LGMN: variants seen among roughly 807,000 people sequenced by gnomAD.
LGMN encodes legumain.
LGMN carries 36 observed loss-of-function variants against 56.8 expected under a neutral mutation model. The observed-to-expected ratio is 0.63, with a 90% confidence interval of 0.49 to 0.84. The LOEUF is 0.84. LGMN is among the 40% of genes least tolerant of loss of function. LGMN has a pLI of 0.00. For synonymous variants in LGMN, 199 were observed against 210.1 expected (o/e 0.95, Z 0.46); for missense variants, 446 against 556.1 (o/e 0.80, Z 1.99).
intron 4 of LGMN, 76 bp from the exon 5 acceptor site, chr14:92,716,297 C>G: frequency 9.9e-7 from 1 of 1,013,508 alleles, no homozygotes; most frequent in Non-Finnish European, 1.6e-6. Context: ...TGCAACCGAC[C>G]CATGCCACCA....
chr14:92,735,754 C>T (rs989833167), intron 1 of LGMN, among the ~76,000 whole-genome samples: 11 of 152,010 alleles, frequency 7.2e-5, no homozygotes, highest in South Asian at 2.1e-4. Flanking sequence ...GGTCAATGGA[C>T]GGGCAACTGG....
chr14:92,708,715 G>C (rs577982710), intron 11 of LGMN, among the ~76,000 whole-genome samples: 90 of 151,930 alleles, frequency 5.9e-4, no homozygotes, highest in Admixed American at 9.2e-4. Context: ...AATTAACTGG[G>C]GCATGGTGGC....
At chr14:92,737,187 T>C (rs1891346827) in intron 1 of LGMN, among the ~76,000 whole-genome samples, 1 of 152,200 alleles carries the variant, frequency 6.6e-6, no homozygotes, top group South Asian at 2.1e-4. Context: ...AGTCACCAAG[T>C]ACTTGCATTT....
At chr14:92,740,490 A>C (rs893405947) in intron 1 of LGMN, among the ~76,000 whole-genome samples, 1 of 152,198 alleles carries the variant, frequency 6.6e-6, no homozygotes, top group African/African-American at 2.4e-5. Context: ...GACCACGCAG[A>C]TCTGACGGCA....
At chr14:92,734,070 A>G (rs952341570) in intron 1 of LGMN, among the ~76,000 whole-genome samples, 3 of 152,254 alleles carry the variant, frequency 2.0e-5, no homozygotes, top group African/African-American at 7.2e-5. Context: ...TATAAGGTGA[A>G]CTATCTGGAT....
At chr14:92,711,357 G>A (rs557967622) in intron 10 of LGMN, among the ~76,000 whole-genome samples, 1 of 152,164 alleles carries the variant, frequency 6.6e-6, no homozygotes, top group Non-Finnish European at 1.5e-5. Flanking sequence ...CATAAGTAAC[G>A]CATAGCCCTC....
intron 2 of LGMN, 128 bp downstream of exon 2, chr14:92,732,521 A>G (rs1434119836): frequency 3.0e-6 from 3 of 1,007,164 alleles, no homozygotes; most frequent in Non-Finnish European, 4.4e-6. Context: ...TAACACACCT[A>G]TGTTACAGCC....
intron 2 of LGMN, among the ~76,000 whole-genome samples, chr14:92,724,082 T>A (rs1166748667): frequency 3.3e-5 from 5 of 152,260 alleles, no homozygotes; most frequent in African/African-American, 1.2e-4. Context: ...TTTATAGTGA[T>A]GTTTGCACAA....
At chr14:92,746,469 T>A (rs922128054) in intron 1 of LGMN, among the ~76,000 whole-genome samples, 13 of 152,196 alleles carry the variant, frequency 8.5e-5, no homozygotes, top group Non-Finnish European at 1.8e-4. Context: ...AATGCTGTGG[T>A]ATGGTGTATT....
At chr14:92,719,293 G>T (rs868370571) in intron 2 of LGMN, among the ~76,000 whole-genome samples, 1 of 40,054 alleles carries the variant, frequency 2.5e-5, no homozygotes, top group Non-Finnish European at 5.8e-5. Context: ...CGCCGCCGCC[G>T]CCGCCGCCAC....
At chr14:92,725,492 T>C (rs552785939) in intron 2 of LGMN, among the ~76,000 whole-genome samples, 1 of 152,188 alleles carries the variant, frequency 6.6e-6, no homozygotes, top group South Asian at 2.1e-4. Flanking sequence ...TGCAGTGAGC[T>C]ATGATCACAC....
At chr14:92,738,282 CTT>C (rs1199624185) in intron 1 of LGMN, among the ~76,000 whole-genome samples, 19 of 141,970 alleles carry the variant, frequency 1.3e-4, no homozygotes, top group Non-Finnish European at 7.8e-5. Flanking sequence ...TTTTCTTTTT[CTT>C]TTTTTTTTTT....
intron 2 of LGMN, among the ~76,000 whole-genome samples, chr14:92,722,172 T>C (rs958475622): frequency 2.0e-5 from 3 of 151,654 alleles, no homozygotes; most frequent in Non-Finnish European, 1.5e-5. Flanking sequence ...GGTACTAGTA[T>C]AATTTTTTTT....
intron 2 of LGMN, among the ~76,000 whole-genome samples, chr14:92,728,211 G>A (rs187111468): frequency 2.6e-5 from 4 of 152,328 alleles, no homozygotes; most frequent in African/African-American, 9.6e-5. Context: ...GAGGGGCAAT[G>A]GTTTCGGGAT....
intron 3 of LGMN, among the ~76,000 whole-genome samples, chr14:92,718,172 G>A (rs1292182505): frequency 1.3e-5 from 2 of 152,186 alleles, no homozygotes; most frequent in Non-Finnish European, 2.9e-5. Context: ...AATCCAACAA[G>A]TCCTCGAAGG....
At chr14:92,717,269 G>A (rs1026212630) in intron 4 of LGMN, 111 bp downstream of exon 4, 14 of 641,354 alleles carry the variant, frequency 2.2e-5, no homozygotes, top group South Asian at 2.8e-5. Flanking sequence ...GTGAAACACC[G>A]ACCAGAAGCC....
rs141991662 is a variant in LGMN, at chr14:92,728,342, T to C, written c.138+4307A>G. ...ACGCTCCTATTAGAATTGGCATCGG[T>C]GACCTGACAGGAGGTGGAGCTAAGG... On this transcript the variant is annotated intron_variant, in intron 2 of 13. Transcript: ENST00000334869. 8.0e-3 allele frequency among the ~76,000 whole-genome samples: 1,214 copies of C among 152,326 alleles called. 13 individuals are homozygous for C. Among genetic ancestry groups the C allele is most frequent in the African/African-American group, 0.028 (1,176 of 41,560 alleles).
In LGMN at chr14:92,706,597, G is replaced by A. The variant is rs768536579; in HGVS notation, c.1077C>T (p.Ser359=). 54 of 1,602,410 alleles carry A rather than the reference G, an allele frequency of 3.4e-5. No individual in the cohort carries two copies. The highest frequency in any genetic ancestry group is 3.4e-4 in the East Asian group (15 of 44,704). ...VRKIVSLLAA[S]EAEVEQLLSE... is the part of the protein sequence containing the mutation. ...ACAGGAGCTGCTCCACCTCAGCCTC[G>A]GACGCTGCCAGCAAGGAGACGATCT... The change falls in exon 12 of 14, where the codon TCC becomes TCT. Residue 359 remains serine (S), a synonymous_variant. Coordinates refer to ENST00000334869, the MANE Select transcript of LGMN (RefSeq NM_005606.7).
chr14:92,728,283 G>T (rs1324919180), intron 2 of LGMN, among the ~76,000 whole-genome samples: 3 of 152,158 alleles, frequency 2.0e-5, no homozygotes, highest in Non-Finnish European at 4.4e-5. Flanking sequence ...TGCGCAGCCT[G>T]GATTCCTCAT....
Sources: allele counts gnomAD v4.1 joint callset (sites outside exome capture counted in the v4.1 genomes callset), GRCh38; gene constraint gnomAD v4.1.1; transcripts MANE v1.5; gene names NCBI Gene and HGNC (gene_info 2026-07-23, HGNC 2026-07-21).